The following PPFIBP2 variants were observed in gnomAD, a reference collection of about 807,000 sequenced individuals.
PPFIBP2 encodes PPFIB scaffold protein 2, also known as liprin-beta-2.
A neutral mutation model predicts 118.3 loss-of-function variants in PPFIBP2; 118 were observed. That is an observed-to-expected ratio of 1.00 (90% CI 0.86 to 1.16). The LOEUF (loss-of-function observed/expected upper bound fraction) is 1.16. Ranked by LOEUF, PPFIBP2 falls within the 50% of genes most tolerant of loss-of-function variation. The pLI is 0.00. For missense variants in PPFIBP2, 1,195 were observed against 1,073.1 expected (o/e 1.11, Z -1.59); for synonymous variants, 414 against 397.4 (o/e 1.04, Z -0.50).
intron 1 of PPFIBP2, among the ~76,000 whole-genome samples, chr11:7,539,816 TGAA>T (rs1159010149): frequency 1.3e-5 from 2 of 152,238 alleles, no homozygotes; most frequent in African/African-American, 4.8e-5. Flanking sequence ...GCTAAAACAC[TGAA>T]GAAGCCCCAA....
intron 1 of PPFIBP2, among the ~76,000 whole-genome samples, chr11:7,541,272 G>C (rs1471283863): frequency 1.3e-5 from 2 of 152,236 alleles, no homozygotes; most frequent in African/African-American, 4.8e-5. Context: ...AGGACCACGA[G>C]ATAGGTGAAT....
chr11:7,565,372 G>T (rs1388618438), intron 2 of PPFIBP2, among the ~76,000 whole-genome samples, 181 bp from the exon 3 acceptor site: 1 of 152,230 alleles, frequency 6.6e-6, no homozygotes, highest in Non-Finnish European at 1.5e-5. Context: ...CTAGACTCAA[G>T]TGATCCTCCC....
intron 5 of PPFIBP2, among the ~76,000 whole-genome samples, chr11:7,609,424 T>G (rs1847798837): frequency 6.6e-6 from 1 of 152,250 alleles, no homozygotes; most frequent in African/African-American, 2.4e-5. Flanking sequence ...CATTGCCCTT[T>G]GCCAATGGAA....
chr11:7,547,169 G>A (rs1482590145), intron 1 of PPFIBP2, among the ~76,000 whole-genome samples: 1 of 152,230 alleles, frequency 6.6e-6, no homozygotes, highest in African/African-American at 2.4e-5. Context: ...CGTGGTGCCG[G>A]GGGGCGGTGT....
At chr11:7,597,768 T>C in intron 5 of PPFIBP2, 95 bp downstream of exon 5, 1 of 1,035,392 alleles carries the variant, frequency 9.7e-7, no homozygotes, top group South Asian at 1.4e-5. Flanking sequence ...GCTGTCTGCT[T>C]TCCCATCCTG....
chr11:7,542,595 T>C (rs1001533071), intron 1 of PPFIBP2, among the ~76,000 whole-genome samples: 5 of 152,174 alleles, frequency 3.3e-5, no homozygotes, highest in African/African-American at 9.7e-5. Context: ...TTTATTATTT[T>C]CCCCCCATTT....
At chr11:7,618,390 A>G (rs1848935459) in intron 6 of PPFIBP2, among the ~76,000 whole-genome samples, 1 of 152,210 alleles carries the variant, frequency 6.6e-6, no homozygotes, top group African/African-American at 2.4e-5. Context: ...TCCAGAGGTC[A>G]CGGAGCCTGG....
chr11:7,534,575 G>T (rs1564945993), intron 1 of PPFIBP2, among the ~76,000 whole-genome samples: 2 of 152,166 alleles, frequency 1.3e-5, no homozygotes, highest in African/African-American at 4.8e-5. Context: ...GTAAGTTCTG[G>T]GGCTGAGGAG....
chr11:7,524,206 G>C (rs1301186750), intron 1 of PPFIBP2, among the ~76,000 whole-genome samples: 1 of 152,086 alleles, frequency 6.6e-6, no homozygotes, highest in East Asian at 1.9e-4. Context: ...GGGACAGAGA[G>C]GGGGTAGAGC....
intron 2 of PPFIBP2, among the ~76,000 whole-genome samples, chr11:7,556,165 TTA>T (rs781062039): frequency 6.6e-6 from 1 of 152,228 alleles, no homozygotes; most frequent in Non-Finnish European, 1.5e-5. Context: ...TTAAATTTCT[TTA>T]TAAGACGGCC....
intron 2 of PPFIBP2, among the ~76,000 whole-genome samples, chr11:7,556,631 CCTG>C (rs1853665425): frequency 1.3e-5 from 2 of 152,140 alleles, no homozygotes; most frequent in Admixed American, 1.3e-4. Context: ...ATTCTTTCAT[CCTG>C]CTTTTTTTGC....
chr11:7,663,464 G>T, the PPFIBP2 span, among the ~76,000 whole-genome samples: 40 of 152,244 alleles, frequency 2.6e-4, no homozygotes, highest in East Asian at 9.7e-4. Context: ...CTGCTCAGGG[G>T]TCAGTGGTCA....
intron 4 of PPFIBP2, among the ~76,000 whole-genome samples, chr11:7,594,865 C>T (rs1859983004): frequency 7.6e-6 from 1 of 131,170 alleles, no homozygotes; most frequent in Non-Finnish European, 1.5e-5. Context: ...TGCAGTGAGC[C>T]AACATCGCAT....
At chr11:7,539,920 A>T (rs553003286) in intron 1 of PPFIBP2, among the ~76,000 whole-genome samples, 4 of 151,812 alleles carry the variant, frequency 2.6e-5, no homozygotes, top group African/African-American at 9.7e-5. Flanking sequence ...GGGGTTGTGA[A>T]CTCCCACCCA....
downstream of PPFIBP2, chr11:7,656,748 C>T: frequency 7.8e-7 from 1 of 1,289,852 alleles, no homozygotes; most frequent in Non-Finnish European, 1.0e-6. Context: ...CCAGGACCAG[C>T]TGCTGAATGA....
chr11:7,636,235 G>A (rs1391487678), intron 14 of PPFIBP2, among the ~76,000 whole-genome samples: 1 of 152,080 alleles, frequency 6.6e-6, no homozygotes, highest in Non-Finnish European at 1.5e-5. Flanking sequence ...ATGAAACATG[G>A]AGCTTCTCAT....
intron 4 of PPFIBP2, among the ~76,000 whole-genome samples, chr11:7,596,803 G>A (rs374632435): frequency 3.9e-5 from 6 of 152,284 alleles, no homozygotes; most frequent in South Asian, 4.1e-4. Context: ...TCCTGGGGCC[G>A]TTTGCTAATA....
chr11:7,557,489 C>CTTTT (rs57734219), intron 2 of PPFIBP2, among the ~76,000 whole-genome samples: 2 of 107,876 alleles, frequency 1.9e-5, no homozygotes, highest in Non-Finnish European at 3.6e-5. Context: ...CTCATTGGCA[C>CTTTT]TTTTTTTTTT....
rs1853594450 is a variant in PPFIBP2 at position 7,649,172 on chromosome 11, C to T, written c.1935C>T (p.Pro645=). The part of the protein sequence containing the change: ...VTRWLDDIGL[P]QYKDQFHESR... ...GGTGGCTTGATGATATTGGCTTACCCCAGTACAAAGACCAGTTTCATGAAT... is the reference window on the plus strand; with the variant it reads ...GGTGGCTTGATGATATTGGCTTACCTCAGTACAAAGACCAGTTTCATGAAT... The change falls in exon 20 of 24, where the codon CCC becomes CCT. Residue 645 remains proline, a synonymous_variant. Transcript: ENST00000299492. 1.2e-6 allele frequency: 2 copies of T among 1,613,924 alleles called. No homozygotes were observed. The highest frequency in any genetic ancestry group is 8.5e-7 in the Non-Finnish European group (1 of 1,179,964).
Sources: allele counts gnomAD v4.1 joint callset (sites outside exome capture counted in the v4.1 genomes callset), GRCh38; gene constraint gnomAD v4.1.1; transcripts MANE v1.5; gene names NCBI Gene and HGNC (gene_info 2026-07-23, HGNC 2026-07-21).